Variants in IL1RAPL1 observed in about 807,000 individuals in gnomAD.
IL1RAPL1 encodes the protein interleukin-1 receptor accessory protein-like 1.
Under a neutral mutation model 48.4 loss-of-function variants are expected in IL1RAPL1, and 3 were observed. That is an observed-to-expected ratio of 0.06 (90% CI 0.03 to 0.16). The LOEUF is 0.16. Among genes scored for constraint, IL1RAPL1 ranks in the 10% least tolerant of loss-of-function variants. The pLI is 1.00. For synonymous variants in IL1RAPL1, 185 were observed against 187.7 expected, an observed-to-expected ratio of 0.99 and a Z score of 0.12; for missense variants, 349 against 530.6, an observed-to-expected ratio of 0.66 and a Z score of 3.36.
At chrX:29,423,682 C>T (rs1227374290) in intron 5 of IL1RAPL1, among the ~76,000 whole-genome samples, 1 of 111,565 alleles carries the variant, frequency 9.0e-6, no homozygotes, top group African/African-American at 3.3e-5. Context: ...ACATGAGCAT[C>T]TCTTTAAGGC....
intron 3 of IL1RAPL1, 93 bp downstream of exon 3, chrX:29,283,310 G>A (rs770408241): frequency 1.9e-5 from 17 of 898,290 alleles, no homozygotes; most frequent in East Asian, 3.1e-5. Flanking sequence ...GCCTAAAGCC[G>A]TTGTCTCAAT....
At chrX:29,144,524 A>G (rs186240652) in intron 2 of IL1RAPL1, among the ~76,000 whole-genome samples, 1 of 100,004 alleles carries the variant, frequency 1.0e-5, no homozygotes, top group African/African-American at 3.7e-5. Context: ...AATCGCTTGA[A>G]CCTGAGAGAC....
At chrX:29,743,335 AAG>A (rs1276997037) in intron 6 of IL1RAPL1, among the ~76,000 whole-genome samples, 1 of 109,055 alleles carries the variant, frequency 9.2e-6, no homozygotes, top group Admixed American at 9.9e-5. Flanking sequence ...GGGGTCATAA[AAG>A]AGTACTGCAA....
intron 6 of IL1RAPL1, among the ~76,000 whole-genome samples, chrX:29,674,570 T>G (rs183782045): frequency 4.5e-5 from 5 of 112,307 alleles, no homozygotes; most frequent in Admixed American, 2.8e-4. Flanking sequence ...AGCACTTTTT[T>G]AAAAAAACTT....
At chrX:29,759,812 C>T (rs1928712131) in intron 6 of IL1RAPL1, among the ~76,000 whole-genome samples, 1 of 111,404 alleles carries the variant, frequency 9.0e-6, no homozygotes, top group East Asian at 2.8e-4. Flanking sequence ...GAGGCTATGC[C>T]AAAATTATTG....
chrX:29,240,137 T>C (rs1316588649), intron 2 of IL1RAPL1, among the ~76,000 whole-genome samples: 7 of 100,177 alleles, frequency 7.0e-5, no homozygotes, highest in Admixed American at 3.4e-4. Flanking sequence ...ATGGATCTTT[T>C]TGTTGGGGGA....
chrX:29,842,991 G>A (rs1366734206), intron 6 of IL1RAPL1, among the ~76,000 whole-genome samples: 3 of 111,912 alleles, frequency 2.7e-5, no homozygotes, highest in Non-Finnish European at 5.6e-5. Context: ...TATTTCACTA[G>A]GAGAAAAATG....
At chrX:29,112,387 C>T (rs1310262792) in intron 2 of IL1RAPL1, among the ~76,000 whole-genome samples, 1 of 110,448 alleles carries the variant, frequency 9.1e-6, no homozygotes, top group Admixed American at 9.7e-5. Flanking sequence ...CCAATATTTT[C>T]TTCTGTAATG....
At chrX:28,626,033 T>C (rs1934338027) in intron 1 of IL1RAPL1, among the ~76,000 whole-genome samples, 1 of 111,937 alleles carries the variant, frequency 8.9e-6, no homozygotes, top group Admixed American at 9.5e-5. Context: ...TGGGGAAACA[T>C]ACAAACACCA....
chrX:29,523,730 C>A (rs890116599), intron 5 of IL1RAPL1, among the ~76,000 whole-genome samples: 17 of 111,348 alleles, frequency 1.5e-4, no homozygotes, highest in African/African-American at 5.2e-4. Context: ...CTTTGATGAG[C>A]CCTGAATATA....
chrX:29,248,268 T>A (rs750129477), intron 2 of IL1RAPL1, among the ~76,000 whole-genome samples: 1 of 110,508 alleles, frequency 9.0e-6, no homozygotes, highest in Admixed American at 9.7e-5. Flanking sequence ...ATATAAAAAA[T>A]TAGCTGAGTG....
intron 1 of IL1RAPL1, among the ~76,000 whole-genome samples, chrX:28,591,595 A>G (rs1933907839): frequency 8.9e-6 from 1 of 112,080 alleles, no homozygotes; most frequent in Non-Finnish European, 1.9e-5. Flanking sequence ...TATAAAGCAT[A>G]ATTATAATTG....
At chrX:29,865,268 A>T (rs1931666219) in intron 6 of IL1RAPL1, among the ~76,000 whole-genome samples, 1 of 111,981 alleles carries the variant, frequency 8.9e-6, no homozygotes, top group African/African-American at 3.2e-5. Context: ...AGAGGCAATG[A>T]CTTCATGTTT....
intron 2 of IL1RAPL1, among the ~76,000 whole-genome samples, chrX:29,221,137 ATC>A (rs1465631185): frequency 9.0e-6 from 1 of 111,526 alleles, no homozygotes; most frequent in African/African-American, 3.3e-5. Flanking sequence ...CTTAGTGTAT[ATC>A]TGTTTCTGCT....
chrX:29,253,175 G>T (rs369690889), intron 2 of IL1RAPL1, among the ~76,000 whole-genome samples: 2 of 110,584 alleles, frequency 1.8e-5, no homozygotes, highest in South Asian at 7.6e-4. Flanking sequence ...ATATCGAAAA[G>T]TATTAATTGT....
intron 2 of IL1RAPL1, among the ~76,000 whole-genome samples, chrX:29,156,414 T>G (rs1403849396): frequency 8.9e-6 from 1 of 112,186 alleles, no homozygotes; most frequent in African/African-American, 3.2e-5. Flanking sequence ...TTAGATTCAC[T>G]TAGAAGAATA....
At chrX:28,652,322 G>T (rs184899443) in intron 1 of IL1RAPL1, among the ~76,000 whole-genome samples, 12 of 111,298 alleles carry the variant, frequency 1.1e-4, no homozygotes, top group Admixed American at 9.5e-4. Flanking sequence ...CACACACAGA[G>T]TGTATTGAAG....
At chrX:29,883,998 C>T (rs1428193319) in intron 6 of IL1RAPL1, among the ~76,000 whole-genome samples, 3 of 111,630 alleles carry the variant, frequency 2.7e-5, no homozygotes, top group Non-Finnish European at 5.6e-5. Flanking sequence ...GATAACCATC[C>T]CTTTCTTTCC....
At chrX:28,995,830 G>A (rs1332821870) in intron 2 of IL1RAPL1, among the ~76,000 whole-genome samples, 1 of 109,672 alleles carries the variant, frequency 9.1e-6, no homozygotes, top group Non-Finnish European at 1.9e-5. Context: ...CAGTATAGCC[G>A]AGGCATCCCC....
Sources: allele counts gnomAD v4.1 joint callset (sites outside exome capture counted in the v4.1 genomes callset), GRCh38; gene constraint gnomAD v4.1.1; transcripts MANE v1.5; gene names NCBI Gene and HGNC (gene_info 2026-07-23, HGNC 2026-07-21).